The following DOCK2 variants were observed in gnomAD, a reference collection of about 807,000 sequenced individuals.
The protein encoded by DOCK2 is dedicator of cytokinesis protein 2.
A neutral mutation model predicts 248.9 loss-of-function variants in DOCK2; 87 were observed. That is an observed-to-expected ratio of 0.35 (90% CI 0.29 to 0.42). The LOEUF is 0.42. Ranked by LOEUF, DOCK2 falls within the 10% of genes least tolerant of loss-of-function variation. The pLI is 1.00. For synonymous variants in DOCK2, 805 were observed against 821.6 expected (o/e 0.98, Z 0.35); for missense variants, 1,747 against 2,300.2 (o/e 0.76, Z 4.92).
chr5:169,843,883 C>A (rs1329501534), intron 27 of DOCK2, among the ~76,000 whole-genome samples: 5 of 152,142 alleles, frequency 3.3e-5, no homozygotes, highest in Non-Finnish European at 5.9e-5. Flanking sequence ...TATATCAGTA[C>A]TTCATTTCTT....
At chr5:169,779,797 C>T (rs898211651) in intron 25 of DOCK2, among the ~76,000 whole-genome samples, 2 of 152,098 alleles carry the variant, frequency 1.3e-5, no homozygotes, top group African/African-American at 4.8e-5. Context: ...CTTCTTAAGC[C>T]TGAACAACTC....
chr5:169,739,798 G>A (rs2113660434), intron 22 of DOCK2, among the ~76,000 whole-genome samples: 1 of 152,278 alleles, frequency 6.6e-6, no homozygotes, highest in Middle Eastern at 3.4e-3. Flanking sequence ...TATACCAACT[G>A]GGCCATAGAG....
chr5:169,773,565 T>A (rs1185558769), intron 25 of DOCK2, among the ~76,000 whole-genome samples: 1 of 152,200 alleles, frequency 6.6e-6, no homozygotes, highest in African/African-American at 2.4e-5. Context: ...TTTGGAATGA[T>A]TCTTTGCATT....
chr5:169,957,042 G>T (rs1776897906), intron 27 of DOCK2, among the ~76,000 whole-genome samples: 1 of 151,914 alleles, frequency 6.6e-6, no homozygotes, highest in African/African-American at 2.4e-5. Flanking sequence ...GGGCTTACTA[G>T]ATGTTGAGTA....
chr5:169,945,675 G>T (rs1468443083), intron 27 of DOCK2, among the ~76,000 whole-genome samples: 3 of 152,184 alleles, frequency 2.0e-5, no homozygotes, highest in African/African-American at 4.8e-5. Context: ...TACTAGGAAG[G>T]AGTAGAACGG....
chr5:169,975,927 AAG>A (rs1448819568), intron 27 of DOCK2, among the ~76,000 whole-genome samples: 3 of 152,190 alleles, frequency 2.0e-5, no homozygotes, highest in African/African-American at 7.2e-5. Context: ...AAATGTGTGA[AAG>A]AATTATCTCA....
intron 46 of DOCK2, among the ~76,000 whole-genome samples, chr5:170,074,298 C>T (rs1356601837): frequency 1.3e-5 from 2 of 151,984 alleles, no homozygotes; most frequent in African/African-American, 4.8e-5. Context: ...TCCTTCTTTT[C>T]TTCCTTATTT....
intron 13 of DOCK2, among the ~76,000 whole-genome samples, chr5:169,700,459 T>C (rs1760900901): frequency 1.3e-5 from 2 of 152,156 alleles, no homozygotes; most frequent in Admixed American, 1.3e-4. Flanking sequence ...GTGGCCATCA[T>C]TTATATTTTA....
chr5:169,821,055 G>T (rs1768404820), intron 26 of DOCK2, among the ~76,000 whole-genome samples: 1 of 152,188 alleles, frequency 6.6e-6, no homozygotes, highest in South Asian at 2.1e-4. Context: ...GAAGCGAGCA[G>T]AGAAGTTTAG....
intron 22 of DOCK2, among the ~76,000 whole-genome samples, chr5:169,737,089 C>A (rs538633590): frequency 6.6e-6 from 1 of 152,208 alleles, no homozygotes; most frequent in East Asian, 1.9e-4. Context: ...TGGGATCATG[C>A]TATGAAGAGA....
intron 22 of DOCK2, among the ~76,000 whole-genome samples, chr5:169,739,311 A>C (rs1289279448): frequency 6.6e-6 from 1 of 152,188 alleles, no homozygotes; most frequent in Non-Finnish European, 1.5e-5. Flanking sequence ...CTGTAATTGT[A>C]GAGGGAAAAT....
At chr5:169,751,477 A>G (rs79876691) in intron 23 of DOCK2, among the ~76,000 whole-genome samples, 11,005 of 152,206 alleles carry the variant, frequency 0.072, 410 homozygotes, top group South Asian at 0.12. Context: ...TGCAGAGGAT[A>G]TGAATGCCCG....
At chr5:169,717,566 A>G (rs2113553131) in intron 21 of DOCK2, 82 bp downstream of exon 21, 5 of 1,325,402 alleles carry the variant, frequency 3.8e-6, no homozygotes, top group African/African-American at 1.4e-5. Flanking sequence ...AACTTGAGTA[A>G]TTTTCTTTTG....
intron 25 of DOCK2, among the ~76,000 whole-genome samples, chr5:169,802,843 T>C (rs1486045166): frequency 6.6e-6 from 1 of 152,150 alleles, no homozygotes; most frequent in East Asian, 1.9e-4. Flanking sequence ...CAGAATAAAA[T>C]AACTGGTTGC....
At chr5:169,643,608 G>A (rs932051906) in intron 1 of DOCK2, among the ~76,000 whole-genome samples, 2 of 152,150 alleles carry the variant, frequency 1.3e-5, no homozygotes, top group African/African-American at 4.8e-5. Flanking sequence ...ATGCTGGATT[G>A]CCTGCTGCTC....
chr5:169,890,614 G>A (rs1010625950), intron 27 of DOCK2, among the ~76,000 whole-genome samples: 1 of 152,148 alleles, frequency 6.6e-6, no homozygotes, highest in Non-Finnish European at 1.5e-5. Context: ...TCTGTTGTAA[G>A]TGGTCAAAGA....
At chr5:169,683,233 T>A (rs1013031651) in intron 7 of DOCK2, among the ~76,000 whole-genome samples, 2 of 152,162 alleles carry the variant, frequency 1.3e-5, no homozygotes, top group African/African-American at 2.4e-5. Context: ...TGTACAATTT[T>A]TTTTGTTTTT....
intron 2 of DOCK2, 126 bp downstream of exon 2, chr5:169,654,612 C>A: frequency 2.3e-6 from 2 of 860,274 alleles, no homozygotes; most frequent in Non-Finnish European, 3.6e-6. Flanking sequence ...GTTTTGGTAA[C>A]GCTAGTAATT....
At chr5:169,953,613 A>G (rs1776753968) in intron 27 of DOCK2, among the ~76,000 whole-genome samples, 1 of 152,164 alleles carries the variant, frequency 6.6e-6, no homozygotes, top group Non-Finnish European at 1.5e-5. Flanking sequence ...TCAGCTACAG[A>G]GGAGACCTCT....
Sources: allele counts gnomAD v4.1 joint callset (sites outside exome capture counted in the v4.1 genomes callset), GRCh38; gene constraint gnomAD v4.1.1; transcripts MANE v1.5; gene names NCBI Gene and HGNC (gene_info 2026-07-23, HGNC 2026-07-21).